The following VPS13B variants were observed in gnomAD, a reference collection of about 807,000 sequenced individuals.
VPS13B encodes vacuolar protein sorting 13 homolog B, also known as intermembrane lipid transfer protein VPS13B.
A neutral mutation model predicts 426.4 loss-of-function variants in VPS13B; 285 were observed. The ratio of observed to expected loss-of-function variants is 0.67; its 90% confidence interval spans 0.61 to 0.74. VPS13B has a LOEUF of 0.74. Among genes scored for constraint, VPS13B ranks in the 30% least tolerant of loss-of-function variants. The probability of loss-of-function intolerance (pLI) is 0.00; values close to 1 mark genes in which losing one functional copy is unlikely to be tolerated. For missense variants in VPS13B, 4,537 were observed against 4,782.6 expected (o/e 0.95, Z 1.51); for synonymous variants, 1,676 against 1,676.4 (o/e 1.00, Z 0.01).
At chr8:99,168,881 A>G (rs943037308) in intron 15 of VPS13B, among the ~76,000 whole-genome samples, 1 of 152,016 alleles carries the variant, frequency 6.6e-6, no homozygotes. Context: ...ATTTTAAAAA[A>G]TGTTTTATTT....
At chr8:99,521,200 G>A (rs1353760128) in intron 30 of VPS13B, among the ~76,000 whole-genome samples, 190 bp downstream of exon 30, 1 of 152,050 alleles carries the variant, frequency 6.6e-6, no homozygotes, top group Non-Finnish European at 1.5e-5. Context: ...GTATTTCTGT[G>A]AAGTGTTGAT....
At chr8:99,106,495 C>A (rs146043156) in intron 5 of VPS13B, among the ~76,000 whole-genome samples, 1 of 146,876 alleles carries the variant, frequency 6.8e-6, no homozygotes, top group Admixed American at 6.8e-5. Context: ...TATAGCTAAA[C>A]GACATACCAC....
chr8:99,038,621 C>A, intron 3 of VPS13B, 55 bp downstream of exon 3: 2 of 1,413,748 alleles, frequency 1.4e-6, no homozygotes, highest in Non-Finnish European at 1.9e-6. Flanking sequence ...TAGTATTTGA[C>A]ATTTCTTTAC....
chr8:99,017,414 A>G, intron 2 of VPS13B, among the ~76,000 whole-genome samples: 1 of 152,158 alleles, frequency 6.6e-6, no homozygotes, highest in Non-Finnish European at 1.5e-5. Flanking sequence ...ATCTCAGTGT[A>G]ATTAGTACAA....
chr8:99,351,747 C>T (rs1811907879), intron 19 of VPS13B, among the ~76,000 whole-genome samples: 1 of 151,980 alleles, frequency 6.6e-6, no homozygotes, highest in Non-Finnish European at 1.5e-5. Context: ...ATCATGTGTA[C>T]TTGTTTAACT....
intron 43 of VPS13B, among the ~76,000 whole-genome samples, chr8:99,788,861 A>G (rs992560064): frequency 1.3e-5 from 2 of 152,172 alleles, no homozygotes; most frequent in Non-Finnish European, 2.9e-5. Flanking sequence ...TCAGTTGATC[A>G]AATTCAGTAG....
At chr8:99,217,360 C>T (rs1452499045) in intron 17 of VPS13B, among the ~76,000 whole-genome samples, 1 of 152,106 alleles carries the variant, frequency 6.6e-6, no homozygotes, top group African/African-American at 2.4e-5. Context: ...CGGTCAAGGA[C>T]ACAGCATGTT....
intron 29 of VPS13B, among the ~76,000 whole-genome samples, chr8:99,514,237 T>G (rs866000780): frequency 1.3e-5 from 2 of 152,352 alleles, no homozygotes; most frequent in Middle Eastern, 6.8e-3. Context: ...TGCCTATAAA[T>G]GTAAATAGTT....
chr8:99,722,006 C>T (rs189226350), intron 39 of VPS13B, among the ~76,000 whole-genome samples: 6 of 152,330 alleles, frequency 3.9e-5, no homozygotes, highest in African/African-American at 1.4e-4. Flanking sequence ...CCTGTGGTGA[C>T]TTCCTCTAAT....
intron 30 of VPS13B, among the ~76,000 whole-genome samples, chr8:99,540,736 GAAAGATACAAA>G (rs1823572144): frequency 6.6e-6 from 1 of 151,942 alleles, no homozygotes; most frequent in Non-Finnish European, 1.5e-5. Context: ...TATTTCTTTT[GAAAGATACAAA>G]AACTTTCTTG....
intron 32 of VPS13B, among the ~76,000 whole-genome samples, chr8:99,576,272 G>A (rs949770565): frequency 5.9e-5 from 9 of 152,048 alleles, no homozygotes; most frequent in African/African-American, 2.2e-4. Context: ...TAACCTACTA[G>A]TATAAGATCA....
At chr8:99,088,379 A>C (rs1268442527) in intron 3 of VPS13B, among the ~76,000 whole-genome samples, 2 of 152,290 alleles carry the variant, frequency 1.3e-5, no homozygotes, top group East Asian at 1.9e-4. Flanking sequence ...ATGTTAGAGC[A>C]GACATAAAAG....
At chr8:99,702,105 A>G (rs1832306167) in intron 36 of VPS13B, among the ~76,000 whole-genome samples, 1 of 152,152 alleles carries the variant, frequency 6.6e-6, no homozygotes, top group African/African-American at 2.4e-5. Context: ...TTCAAAGTAT[A>G]ATTTTGATAA....
At position 99,679,054 on chromosome 8, in the gene VPS13B, T is replaced by C. The variant is rs145294225; in HGVS notation, c.6046+17563T>C. 4.0e-4 allele frequency among the ~76,000 whole-genome samples: 61 copies of C among 152,304 alleles called. 1 individual carries two copies. Among genetic ancestry groups the C allele is most frequent in the Middle Eastern group, 3.4e-3 (1 of 294 alleles). ...TTCTTAGTCTGCAATTCTTACACCC[T>C]TTTTCTTTGCCCACTCTAATTCTCA... On this transcript the variant is annotated intron_variant, in intron 35 of 61. Transcript: ENST00000357162.
intron 19 of VPS13B, among the ~76,000 whole-genome samples, chr8:99,292,878 T>A (rs1216354925): frequency 6.6e-6 from 1 of 152,170 alleles, no homozygotes; most frequent in Non-Finnish European, 1.5e-5. Flanking sequence ...AAACACACAA[T>A]GCAACTAATT....
chr8:99,848,260 C>T (rs762569503), intron 54 of VPS13B, among the ~76,000 whole-genome samples: 4 of 152,088 alleles, frequency 2.6e-5, no homozygotes, highest in Non-Finnish European at 4.4e-5. Context: ...ATTCTTGTTA[C>T]GAGTTACATG....
At chr8:99,863,335 T>C (rs899713722) in intron 58 of VPS13B, among the ~76,000 whole-genome samples, 12 of 152,164 alleles carry the variant, frequency 7.9e-5, no homozygotes, top group Admixed American at 7.9e-4. Context: ...ATGGATTAAG[T>C]GGCTGTAACC....
chr8:99,252,168 G>A (rs1405728462), intron 17 of VPS13B, among the ~76,000 whole-genome samples: 1 of 151,798 alleles, frequency 6.6e-6, no homozygotes, highest in Non-Finnish European at 1.5e-5. Flanking sequence ...GCTAGATTAT[G>A]GAATTAAGAC....
In VPS13B at chr8:99,818,721, C is replaced by G; in HGVS notation, c.8454C>G (p.Phe2818Leu). ...TCCTTTTATTTTTATAGATTGTGTT[C>G]AGCCCTCTTTTTATCATGAGGAGTC... ...NSQVQQRMIV[F>L]SPLFIMRSHL... The change falls in exon 47 of 62, where the codon TTC becomes TTG. Residue 2818 changes from phenylalanine to leucine, a missense_variant. Transcript: ENST00000357162. 6.2e-7 allele frequency: 1 copy of G among 1,613,792 alleles called. No individual in the cohort carries two copies. The highest frequency in any genetic ancestry group is 1.1e-5 in the South Asian group (1 of 91,068).
Sources: allele counts gnomAD v4.1 joint callset (sites outside exome capture counted in the v4.1 genomes callset), GRCh38; gene constraint gnomAD v4.1.1; transcripts MANE v1.5; gene names NCBI Gene and HGNC (gene_info 2026-07-23, HGNC 2026-07-21).